Variants in VRK2 observed in about 807,000 individuals in gnomAD.
The protein encoded by VRK2 is serine/threonine-protein kinase VRK2.
Under a neutral mutation model 57.6 loss-of-function variants are expected in VRK2, and 60 were observed. The ratio of observed to expected loss-of-function variants is 1.04; its 90% CI spans 0.85 to 1.29. The LOEUF is 1.29. VRK2 is among the 50% of genes most tolerant of loss of function. The pLI is 0.00. For synonymous variants in VRK2, 231 were observed against 199.2 expected (o/e 1.16, Z -1.35); for missense variants, 705 against 588.1 (o/e 1.20, Z -2.06).
At position 58,141,502 on chromosome 2, in the gene VRK2, C is replaced by T. The variant is rs770655785; in HGVS notation, c.1023+1670C>T. On this transcript the variant is annotated intron_variant, in intron 11 of 12. Transcript: ENST00000340157. ...TTATTTTGATTATGAGTAAAAAAAG[C>T]ACTTAAAAATAATACATGCTTTTAA... Among the ~76,000 whole-genome samples the T allele has an allele frequency of 4.0e-4, 60 of 151,858 alleles. 1 individual carries two copies. Among genetic ancestry groups the T allele is most frequent in the Non-Finnish European group, 1.3e-4 (9 of 67,904 alleles).
chr2:58,107,082 TTGC>T, intron 7 of VRK2, among the ~76,000 whole-genome samples: 2 of 151,366 alleles, frequency 1.3e-5, no homozygotes, highest in South Asian at 4.1e-4. Flanking sequence ...CATAAACATG[TTGC>T]TGCTTCATTT....
chr2:58,077,849 C>G (rs1429670675), intron 2 of VRK2, among the ~76,000 whole-genome samples: 1 of 152,078 alleles, frequency 6.6e-6, no homozygotes, highest in Non-Finnish European at 1.5e-5. Flanking sequence ...GGAAATTTGT[C>G]TAAGTATTGT....
At chr2:57,974,214 C>T (rs1270547863) in intron 1 of VRK2, among the ~76,000 whole-genome samples, 2 of 151,610 alleles carry the variant, frequency 1.3e-5, no homozygotes, top group Admixed American at 6.6e-5. Flanking sequence ...GAAAATGGAT[C>T]GAAAGAAAAA....
chr2:57,972,667 T>C (rs1036983602), intron 1 of VRK2, among the ~76,000 whole-genome samples: 4 of 152,032 alleles, frequency 2.6e-5, no homozygotes, highest in Admixed American at 2.0e-4. Context: ...TTAATATTTA[T>C]GTAAAACGCA....
In VRK2 at chr2:58,095,626, AT is replaced by A. The variant is rs574806002; in HGVS notation, c.543+5906del. Among the ~76,000 whole-genome samples, 490 of 151,836 alleles carry A rather than the reference AT, an allele frequency of 3.2e-3. 2 individuals carry two copies. Among genetic ancestry groups the A allele is most frequent in the African/African-American group, 0.011 (468 of 41,438 alleles). The stretch of plus-strand genomic sequence containing the variant: ...CATGCATTAATTTTATATCCTGTTA[AT>A]TTACGGAATTATTTGTGGTTCAGAG... On this transcript the variant is annotated intron_variant, in intron 7 of 12. Transcript: ENST00000340157.
chr2:57,998,724 C>T (rs1672999344), intron 1 of VRK2, among the ~76,000 whole-genome samples: 1 of 152,140 alleles, frequency 6.6e-6, no homozygotes, highest in Admixed American at 6.5e-5. Context: ...AATAAGAGAC[C>T]TAAAATAATT....
chr2:58,033,071 C>T (rs1674165349), intron 2 of VRK2, among the ~76,000 whole-genome samples: 1 of 152,032 alleles, frequency 6.6e-6, no homozygotes, highest in Non-Finnish European at 1.5e-5. Flanking sequence ...CACAGACACT[C>T]AGTCTATAGC....
chr2:58,108,095 T>C (rs1675017077), intron 7 of VRK2, among the ~76,000 whole-genome samples: 1 of 152,170 alleles, frequency 6.6e-6, no homozygotes, highest in Non-Finnish European at 1.5e-5. Flanking sequence ...GTCAGCTAGT[T>C]TGCTTTTGGT....
intron 1 of VRK2, among the ~76,000 whole-genome samples, chr2:57,946,752 CT>C (rs763701658): frequency 6.6e-6 from 1 of 152,118 alleles, no homozygotes; most frequent in African/African-American, 2.4e-5. Context: ...TCAATACTTT[CT>C]GTTCAACCAA....
In VRK2 at chr2:57,935,282, T is replaced by C. The variant is rs1042524593; in HGVS notation, c.-439+27443T>C. Among the ~76,000 whole-genome samples, 3 of 152,248 alleles carry C rather than the reference T, an allele frequency of 2.0e-5. No homozygotes were observed. In the East Asian group the frequency reaches 5.8e-4, roughly 29 times the overall value. ...AGATTCTTAAACTGTCTCAGATCTTTTCTGTTTGTGCCATTCTACACCTAT... is the reference window on the plus strand; with the variant it reads ...AGATTCTTAAACTGTCTCAGATCTTCTCTGTTTGTGCCATTCTACACCTAT... On this transcript the variant is annotated intron_variant, in intron 1 of 15. Coordinates refer to the VRK2 transcript ENST00000417641.
intron 2 of VRK2, among the ~76,000 whole-genome samples, chr2:58,081,399 G>T (rs921222356): frequency 4.6e-5 from 7 of 151,712 alleles, no homozygotes; most frequent in Non-Finnish European, 7.4e-5. Context: ...GCTAAAAATT[G>T]ATTTATTCTG....
chr2:58,109,328 A>C (rs1021357826), intron 7 of VRK2, among the ~76,000 whole-genome samples: 3 of 152,194 alleles, frequency 2.0e-5, no homozygotes, highest in Non-Finnish European at 2.9e-5. Flanking sequence ...AAAGCTAAAT[A>C]ACTTTGTACA....
intron 1 of VRK2, among the ~76,000 whole-genome samples, chr2:57,969,033 T>C (rs959112551): frequency 1.3e-5 from 2 of 152,088 alleles, no homozygotes; most frequent in Non-Finnish European, 2.9e-5. Context: ...CCATTAAAGA[T>C]TTTCTTTTTT....
chr2:58,073,470 A>G (rs1669629236), intron 2 of VRK2, among the ~76,000 whole-genome samples: 1 of 151,740 alleles, frequency 6.6e-6, no homozygotes, highest in Non-Finnish European at 1.5e-5. Flanking sequence ...TTTTCACCTC[A>G]TGTATTTTAA....
At chr2:57,924,455 T>G (rs2103914504) in intron 1 of VRK2, among the ~76,000 whole-genome samples, 1 of 152,152 alleles carries the variant, frequency 6.6e-6, no homozygotes, top group East Asian at 1.9e-4. Context: ...TTAAGGTAAT[T>G]CCTAGATATT....
chr2:57,994,217 G>C (rs1433354874), intron 1 of VRK2, among the ~76,000 whole-genome samples: 1 of 152,138 alleles, frequency 6.6e-6, no homozygotes, highest in East Asian at 1.9e-4. Flanking sequence ...GTAAGGTCAT[G>C]GTTAGCTTTC....
intron 1 of VRK2, among the ~76,000 whole-genome samples, chr2:57,983,791 A>T (rs1672506561): frequency 6.6e-6 from 1 of 152,254 alleles, no homozygotes; most frequent in African/African-American, 2.4e-5. Flanking sequence ...GATTAAACAC[A>T]GTGATACTTA....
rs1673725708 is a variant in VRK2, at chr2:58,020,633, A to C, written c.-438-5032A>C. On this transcript the variant is annotated intron_variant, in intron 1 of 15. Transcript: ENST00000417641. Reference sequence around the variant, plus strand: ...ACATTTGCATGTATTATATGCTTAAATATGAATGTCTCCAGACAGGCTCAT... The same window carrying C: ...ACATTTGCATGTATTATATGCTTAACTATGAATGTCTCCAGACAGGCTCAT... Among the ~76,000 whole-genome samples, 3 of 152,278 alleles carry C rather than the reference A, an allele frequency of 2.0e-5. No homozygotes were observed. The South Asian group carries it at 6.2e-4, about 31-fold the overall frequency.
At chr2:58,013,743 C>G (rs963295650) in intron 1 of VRK2, among the ~76,000 whole-genome samples, 4 of 150,644 alleles carry the variant, frequency 2.7e-5, no homozygotes, top group Non-Finnish European at 5.9e-5. Context: ...CCTGTAGTCC[C>G]AGCTACTCGG....
Sources: gnomAD v4.1 joint callset for allele counts (sites outside exome capture counted in the v4.1 genomes callset) on GRCh38, gnomAD v4.1.1 for gene constraint, MANE v1.5 for transcripts, NCBI Gene and HGNC (gene_info 2026-07-23, HGNC 2026-07-21) for gene names.